Variants in SYT1 observed in about 807,000 individuals in gnomAD.
The protein encoded by SYT1 is synaptotagmin 1.
In SYT1, 8 loss-of-function variants were observed where a neutral mutation model predicts 44.8. The observed-to-expected ratio is 0.18, with a 90% confidence interval of 0.10 to 0.32. The LOEUF is 0.32. SYT1 is among the 10% of genes least tolerant of loss of function. SYT1 has a pLI of 1.00. For synonymous variants in SYT1, 154 were observed against 188.8 expected, an observed-to-expected ratio of 0.82 and a Z score of 1.51; for missense variants, 286 against 509.3, an observed-to-expected ratio of 0.56 and a Z score of 4.22.
chr12:79,274,308 T>C (rs1310950537), intron 4 of SYT1, among the ~76,000 whole-genome samples: 2 of 152,054 alleles, frequency 1.3e-5, no homozygotes, highest in Non-Finnish European at 2.9e-5. Context: ...TGGGTCAGTT[T>C]TGTATTCTGA....
intron 2 of SYT1, among the ~76,000 whole-genome samples, chr12:78,980,330 A>T (rs1163156061): frequency 6.6e-6 from 1 of 152,172 alleles, no homozygotes; most frequent in South Asian, 2.1e-4. Context: ...CTTCCTACAT[A>T]GCCGACTCCA....
Position 79,138,150 on chromosome 12 carries a change from C to T in SYT1, c.-17-79353C>T, listed in dbSNP as rs117984366. Among the ~76,000 whole-genome samples, 507 of 152,246 alleles carry T rather than the reference C, an allele frequency of 3.3e-3. 1 individual carries two copies. The highest frequency in any genetic ancestry group is 5.4e-3 in the Non-Finnish European group (370 of 68,026). ...TACTGATTGATAGAAAAATACTTTA[C>T]CTCTGAAGCTGTCTGACATTTAAAT... On this transcript the variant is annotated intron_variant, in intron 3 of 10. Coordinates refer to ENST00000261205, the MANE Select transcript of SYT1 (RefSeq NM_005639.3).
chr12:79,123,273 C>T (rs1159249113), intron 3 of SYT1, among the ~76,000 whole-genome samples: 1 of 150,168 alleles, frequency 6.7e-6, no homozygotes, highest in African/African-American at 2.5e-5. Context: ...GTCCAGTACT[C>T]GGTAACACTC....
chr12:79,365,030 C>A (rs1233996647), intron 9 of SYT1, among the ~76,000 whole-genome samples: 2 of 152,100 alleles, frequency 1.3e-5, no homozygotes, highest in Non-Finnish European at 2.9e-5. Context: ...TAATCCACAA[C>A]CCCACCACTT....
chr12:79,022,100 G>GA (rs997667952), intron 2 of SYT1, among the ~76,000 whole-genome samples: 168 of 144,668 alleles, frequency 1.2e-3, no homozygotes, highest in African/African-American at 3.6e-3. Context: ...ATTTGCGGAA[G>GA]AAAAAAAAAA....
chr12:78,872,502 G>T (rs143070505), intron 1 of SYT1, among the ~76,000 whole-genome samples: 1 of 151,826 alleles, frequency 6.6e-6, no homozygotes, highest in East Asian at 1.9e-4. Context: ...GAATAGGAAA[G>T]ATTTGTTCAG....
At chr12:79,371,994 T>A (rs985996506) in intron 9 of SYT1, among the ~76,000 whole-genome samples, 1 of 152,220 alleles carries the variant, frequency 6.6e-6, no homozygotes, top group African/African-American at 2.4e-5. Flanking sequence ...TTTCTTCAAC[T>A]GTGTTCTGTA....
At chr12:79,415,755 C>G (rs930889380) in intron 9 of SYT1, among the ~76,000 whole-genome samples, 1 of 152,162 alleles carries the variant, frequency 6.6e-6, no homozygotes, top group Non-Finnish European at 1.5e-5. Context: ...AGGGAATATG[C>G]ATTTTAAATG....
In SYT1 at chr12:79,358,389, C is replaced by T. The variant is rs372894939; in HGVS notation, c.928+4770C>T. 1.7e-4 allele frequency among the ~76,000 whole-genome samples: 26 copies of T among 152,290 alleles called. 1 individual carries two copies. Among genetic ancestry groups the T allele is most frequent in the African/African-American group, 6.3e-4 (26 of 41,574 alleles). ...AAGTCACATTATCAGTTATAGAACA[C>T]TTTCTAATTTAGAAATATTTTTTAA... is the stretch of plus-strand genomic sequence containing the variant. On this transcript the variant is annotated intron_variant, in intron 9 of 10. Transcript: ENST00000261205.
At chr12:79,419,472 G>A (rs1044059119) in intron 9 of SYT1, among the ~76,000 whole-genome samples, 2 of 152,174 alleles carry the variant, frequency 1.3e-5, no homozygotes, top group Non-Finnish European at 2.9e-5. Flanking sequence ...CAATGCAGAA[G>A]TTGCCAGATA....
At chr12:78,898,235 T>C (rs1486501092) in intron 1 of SYT1, among the ~76,000 whole-genome samples, 1 of 152,034 alleles carries the variant, frequency 6.6e-6, no homozygotes, top group Non-Finnish European at 1.5e-5. Context: ...TTTTGAGGAT[T>C]AGAGTGACTT....
intron 1 of SYT1, among the ~76,000 whole-genome samples, chr12:78,906,203 GA>G (rs143856801): frequency 1.1e-4 from 17 of 149,346 alleles, no homozygotes; most frequent in African/African-American, 4.2e-4. Context: ...TCTTGAAATA[GA>G]AAAAAAAACA....
intron 8 of SYT1, among the ~76,000 whole-genome samples, chr12:79,308,591 G>GAAGA (rs1555216070): frequency 1.8e-5 from 2 of 110,462 alleles, no homozygotes; most frequent in Admixed American, 9.2e-5. Context: ...GGAAAAGAAA[G>GAAGA]AAGAAAGAAA....
At chr12:79,045,295 C>G (rs957379912) in intron 2 of SYT1, among the ~76,000 whole-genome samples, 7 of 152,324 alleles carry the variant, frequency 4.6e-5, no homozygotes, top group Admixed American at 2.6e-4. Context: ...TAGGACCCGC[C>G]GAGCCAGGTG....
At chr12:79,087,001 A>G (rs1190627434) in intron 3 of SYT1, among the ~76,000 whole-genome samples, 2 of 152,162 alleles carry the variant, frequency 1.3e-5, no homozygotes, top group Non-Finnish European at 2.9e-5. Context: ...ATAGGATTGA[A>G]CTAAAGTATA....
chr12:79,184,620 T>C (rs1872710349), intron 3 of SYT1, among the ~76,000 whole-genome samples: 1 of 152,056 alleles, frequency 6.6e-6, no homozygotes, highest in Non-Finnish European at 1.5e-5. Context: ...ATGTGTCTTC[T>C]ATAGCACAAC....
intron 1 of SYT1, chr12:78,963,998 T>C (rs1429805159): frequency 6.6e-6 from 1 of 152,378 alleles, no homozygotes; most frequent in African/African-American, 2.4e-5. Flanking sequence ...CTCACTTTGC[T>C]TTCTGTGCTT....
intron 3 of SYT1, among the ~76,000 whole-genome samples, chr12:79,131,710 G>T (rs1292778435): frequency 6.6e-6 from 1 of 152,138 alleles, no homozygotes; most frequent in African/African-American, 2.4e-5. Context: ...AAATGCAAAT[G>T]CCATAAAATT....
At chr12:79,448,838 T>G in intron 10 of SYT1, 80 bp from the exon 11 acceptor site, 2 of 1,288,468 alleles carry the variant, frequency 1.6e-6, no homozygotes, top group Non-Finnish European at 1.1e-6. Context: ...TTTCCAATTC[T>G]TTAGCGCTCA....
Sources: allele counts gnomAD v4.1 joint callset (sites outside exome capture counted in the v4.1 genomes callset), GRCh38; gene constraint gnomAD v4.1.1; transcripts MANE v1.5; gene names NCBI Gene and HGNC (gene_info 2026-07-23, HGNC 2026-07-21).